Variants in CWF19L1 observed in about 807,000 individuals in gnomAD.
CWF19L1 encodes CWF19 like cell cycle control factor 1.
Under a neutral mutation model 69.7 loss-of-function variants are expected in CWF19L1, and 60 were observed. That is an observed-to-expected ratio of 0.86 (90% CI 0.70 to 1.07). The LOEUF is 1.07. Ranked by LOEUF, CWF19L1 falls within the 50% of genes least tolerant of loss-of-function variation. The pLI, the probability that CWF19L1 is intolerant of heterozygous loss-of-function variation, is 0.00. For synonymous variants in CWF19L1, 209 were observed against 222.2 expected (o/e 0.94, Z 0.53); for missense variants, 591 against 638.9 (o/e 0.92, Z 0.81).
rs769203062 is a variant in CWF19L1, at chr10:100,256,400, T to C, written c.366A>G (p.Pro122=). ...TGGGACTAAAACTATAACCTGGTAC[T>C]GGCTCATTTAAGGATTCTGTCCCAC... ...YLSGTESLNE[P]VPGYSFSPKD... Residue 122 remains proline (P), a synonymous_variant, in exon 5 of 14, where the codon CCA becomes CCG. Coordinates refer to ENST00000354105, the MANE Select transcript of CWF19L1 (RefSeq NM_018294.6). 12 of 1,614,082 alleles carry C rather than the reference T, an allele frequency of 7.4e-6. No individual in the cohort carries two copies. The highest frequency in any genetic ancestry group is 4.2e-6 in the Non-Finnish European group (5 of 1,180,022).
At chr10:100,244,191 T>A (rs913042402) in intron 9 of CWF19L1, among the ~76,000 whole-genome samples, 2 of 152,242 alleles carry the variant, frequency 1.3e-5, no homozygotes, top group Admixed American at 6.5e-5. Flanking sequence ...AGAATCTCAA[T>A]GAAACACTCT....
chr10:100,251,906 C>T (rs1315127864), intron 6 of CWF19L1, among the ~76,000 whole-genome samples: 3 of 152,068 alleles, frequency 2.0e-5, no homozygotes, highest in Non-Finnish European at 4.4e-5. Flanking sequence ...CTTCTGTTTT[C>T]GCAGTATATT....
chr10:100,237,081 G>A, intron 11 of CWF19L1, 112 bp from the exon 12 acceptor site: 2 of 1,280,826 alleles, frequency 1.6e-6, no homozygotes, highest in Non-Finnish European at 2.2e-6. Context: ...ACACCCCTCA[G>A]CACAGAATAT....
chr10:100,248,666 G>A, intron 7 of CWF19L1: 1 of 883,858 alleles, frequency 1.1e-6, no homozygotes. Flanking sequence ...TTTGATGCTG[G>A]AGAACTAATC....
At chr10:100,247,981 T>C (rs989666279) in intron 7 of CWF19L1, among the ~76,000 whole-genome samples, 8 of 152,118 alleles carry the variant, frequency 5.3e-5, no homozygotes, top group Admixed American at 2.0e-4. Context: ...GGGGTATAAA[T>C]TGGAACAAAG....
At chr10:100,257,803 C>G (rs2134315870) in intron 4 of CWF19L1, among the ~76,000 whole-genome samples, 1 of 152,192 alleles carries the variant, frequency 6.6e-6, no homozygotes, top group African/African-American at 2.4e-5. Context: ...ATACCATCCC[C>G]ACCCACCAAG....
chr10:100,253,665 C>T (rs772883693), intron 5 of CWF19L1, 126 bp from the exon 6 acceptor site: 136 of 595,986 alleles, frequency 2.3e-4, no homozygotes, highest in Non-Finnish European at 3.6e-4. Context: ...GAAGGAACTG[C>T]ACATTGAATT....
intron 11 of CWF19L1, 36 bp downstream of exon 11, chr10:100,237,986 A>G: frequency 6.3e-7 from 1 of 1,583,058 alleles, no homozygotes; most frequent in Non-Finnish European, 8.7e-7. Context: ...AAGTCCCCAT[A>G]GCGCCCTTCC....
At chr10:100,267,124 A>C (rs1166125556) in intron 1 of CWF19L1, among the ~76,000 whole-genome samples, 316 of 66,720 alleles carry the variant, frequency 4.7e-3, no homozygotes, top group Middle Eastern at 0.014. Flanking sequence ...TCTCTTCACC[A>C]CCACCCCCAC....
intron 1 of CWF19L1, among the ~76,000 whole-genome samples, chr10:100,266,964 G>C (rs923918678): frequency 2.6e-5 from 4 of 151,858 alleles, no homozygotes; most frequent in Non-Finnish European, 1.5e-5. Flanking sequence ...TCCTGCCTCA[G>C]CCACCGCGCC....
intron 7 of CWF19L1, chr10:100,248,279 T>G: frequency 1.5e-6 from 2 of 1,346,700 alleles, no homozygotes; most frequent in Non-Finnish European, 2.1e-6. Flanking sequence ...CAAAGTGTTT[T>G]GAGTCCGTTG....
rs192068950 is a variant in CWF19L1, at chr10:100,238,667, C to T, written c.1045-436G>A. ...CACTTTCGGCTGGGATAGTGGCTCA[C>T]GCTTGTAATCCCAAAACTTTGAGAG... On this transcript the variant is annotated intron_variant, in intron 10 of 13. Transcript: ENST00000354105. Among the ~76,000 whole-genome samples, 466 of 152,268 alleles carry T rather than the reference C, an allele frequency of 3.1e-3. 8 individuals are homozygous for T. The Middle Eastern group carries it at 0.041, about 13-fold the overall frequency.
intron 1 of CWF19L1, among the ~76,000 whole-genome samples, chr10:100,265,515 TTTTC>T (rs1332721185): frequency 1.4e-5 from 2 of 141,724 alleles, no homozygotes; most frequent in Non-Finnish European, 3.0e-5. Context: ...TATTTTCTTT[TTTTC>T]TTTTTCTTTT....
At chr10:100,238,724 G>A (rs533696360) in intron 10 of CWF19L1, among the ~76,000 whole-genome samples, 39 of 152,242 alleles carry the variant, frequency 2.6e-4, no homozygotes, top group African/African-American at 7.0e-4. Context: ...GAGGTCAGAA[G>A]TTCCAGACTA....
At chr10:100,243,667 C>T in intron 10 of CWF19L1, 31 bp downstream of exon 10, 1 of 1,544,264 alleles carries the variant, frequency 6.5e-7, no homozygotes, top group South Asian at 1.1e-5. Context: ...TAGGCATCTC[C>T]TTCTCTATAA....
At chr10:100,235,319 A>G (rs946150890) in intron 13 of CWF19L1, among the ~76,000 whole-genome samples, 2 of 152,226 alleles carry the variant, frequency 1.3e-5, no homozygotes, top group Admixed American at 6.5e-5. Flanking sequence ...TATGTGCTCA[A>G]TTAAAGTTCC....
At chr10:100,249,404 T>TA (rs888008959) in intron 7 of CWF19L1, among the ~76,000 whole-genome samples, 12 of 152,172 alleles carry the variant, frequency 7.9e-5, no homozygotes, top group Non-Finnish European at 1.6e-4. Flanking sequence ...CACAATAGGT[T>TA]AGTTTTGGCC....
At chr10:100,253,655 G>T in intron 5 of CWF19L1, 116 bp from the exon 6 acceptor site, 1 of 647,218 alleles carries the variant, frequency 1.5e-6, no homozygotes. Context: ...GATGTGGACA[G>T]AAGGAACTGC....
At position 100,259,030 on chromosome 10, in the gene CWF19L1, G is replaced by A. The variant is rs1391126847; in HGVS notation, c.289+1188C>T. ...ATCCTGGCCAACATGGTGAAATCCCGTCTCTACTAAAAATACAAAAATTAG... is the reference window on the plus strand; with the variant it reads ...ATCCTGGCCAACATGGTGAAATCCCATCTCTACTAAAAATACAAAAATTAG... On this transcript the variant is annotated intron_variant, in intron 4 of 13. Transcript: ENST00000354105. Among the ~76,000 whole-genome samples the A allele has an allele frequency of 6.6e-5, 10 of 151,604 alleles. No homozygotes were observed. In the South Asian group the frequency reaches 1.2e-3, roughly 19 times the overall value.
Sources: allele counts gnomAD v4.1 joint callset (sites outside exome capture counted in the v4.1 genomes callset), GRCh38; gene constraint gnomAD v4.1.1; transcripts MANE v1.5; gene names NCBI Gene and HGNC (gene_info 2026-07-23, HGNC 2026-07-21).